Variants in LIN28B observed in about 807,000 individuals in gnomAD.
LIN28B encodes the protein lin-28 RNA binding posttranscriptional regulator B.
Under a neutral mutation model 21.9 loss-of-function variants are expected in LIN28B, and 5 were observed. That is an observed-to-expected ratio of 0.23 (90% CI 0.12 to 0.48). The LOEUF is 0.48. Among genes scored for constraint, LIN28B ranks in the 20% least tolerant of loss-of-function variants. The pLI, the probability that LIN28B is intolerant of heterozygous loss-of-function variation, is 0.98. For missense variants in LIN28B, 245 were observed against 310.5 expected, an observed-to-expected ratio of 0.79 and a Z score of 1.58; for synonymous variants, 109 against 111.3, an observed-to-expected ratio of 0.98 and a Z score of 0.13.
chr6:104,949,894 T>C (rs779583151), intron 2 of LIN28B, among the ~76,000 whole-genome samples: 1 of 152,180 alleles, frequency 6.6e-6, no homozygotes, highest in Non-Finnish European at 1.5e-5. Context: ...TTTAAAAATA[T>C]AAGTTAAAAT....
In LIN28B at chr6:104,966,745, C is replaced by T. The variant is rs1306159388; in HGVS notation, c.198+8459C>T. On this transcript the variant is annotated intron_variant, in intron 2 of 3. Coordinates refer to ENST00000345080, the MANE Select transcript of LIN28B (RefSeq NM_001004317.4). ...CACGCCATTCTCCTGCCTCAGCCTC[C>T]AGAGTAGCTGTGACTACAGGCACTC... Among the ~76,000 whole-genome samples, 3 of 152,000 alleles carry T rather than the reference C, an allele frequency of 2.0e-5. No homozygotes were observed. In the East Asian group the frequency reaches 5.8e-4, roughly 29 times the overall value.
chr6:104,997,551 C>A (rs893891945), intron 2 of LIN28B, among the ~76,000 whole-genome samples: 10 of 151,654 alleles, frequency 6.6e-5, no homozygotes, highest in African/African-American at 2.4e-4. Flanking sequence ...CCGCCCCCCC[C>A]CGCCACACAC....
intron 3 of LIN28B, among the ~76,000 whole-genome samples, chr6:105,037,055 T>C (rs1326529159): frequency 2.0e-5 from 3 of 152,204 alleles, no homozygotes; most frequent in African/African-American, 7.2e-5. Flanking sequence ...TGCTTAAATG[T>C]CTTAAACATA....
At chr6:105,038,423 G>C (rs1240106395) in intron 3 of LIN28B, among the ~76,000 whole-genome samples, 2 of 152,174 alleles carry the variant, frequency 1.3e-5, no homozygotes, top group Non-Finnish European at 2.9e-5. Context: ...GCAGGCTGCT[G>C]TTGGTCAGCA....
In LIN28B at chr6:104,957,138, G is replaced by A. The variant is rs752640382; in HGVS notation, c.-113G>A. The stretch of plus-strand genomic sequence containing the variant: ...AAGGAAAGCACATTAGACCATGCGA[G>A]CTAAATTTGTGATCGCACAAAATCA... On this transcript the variant is annotated 5_prime_UTR_variant, in exon 1 of 4. Transcript: ENST00000345080. The A allele has an allele frequency of 6.0e-5, 96 of 1,610,536 alleles. No homozygotes were observed. The highest frequency in any genetic ancestry group is 7.6e-5 in the Non-Finnish European group (90 of 1,178,360).
intron 3 of LIN28B, among the ~76,000 whole-genome samples, chr6:105,068,578 C>T (rs62419627): frequency 0.075 from 11,469 of 152,164 alleles, 430 homozygotes; most frequent in Middle Eastern, 0.095. Context: ...CTGCTTGTTA[C>T]GCTGAATAGT....
chr6:105,046,808 A>G (rs578130515), intron 3 of LIN28B, among the ~76,000 whole-genome samples: 1 of 152,310 alleles, frequency 6.6e-6, no homozygotes, highest in Non-Finnish European at 1.5e-5. Flanking sequence ...GGCTGCATAA[A>G]TGTCTTCTTT....
intron 3 of LIN28B, among the ~76,000 whole-genome samples, chr6:105,051,919 G>A (rs147646364): frequency 4.6e-5 from 7 of 152,278 alleles, no homozygotes; most frequent in East Asian, 3.9e-4. Context: ...ATAATGTGAC[G>A]TCAGGTAGTG....
At position 104,960,572 on chromosome 6, in the gene LIN28B, G is replaced by GT. The variant is rs1316636320; in HGVS notation, c.198+2294dup. Among the ~76,000 whole-genome samples, 16 of 151,362 alleles carry GT rather than the reference G, an allele frequency of 1.1e-4. No individual in the cohort carries two copies. The East Asian group carries it at 1.4e-3, about 13-fold the overall frequency. On this transcript the variant is annotated intron_variant, in intron 2 of 3. Coordinates refer to ENST00000345080, the MANE Select transcript of LIN28B (RefSeq NM_001004317.4). ...CAAAATTTTTAAAATATATGACATAGTTTTTTTTGAAGTGTTTGGAAGTAC... is the reference window on the plus strand; with the variant it reads ...CAAAATTTTTAAAATATATGACATAGTTTTTTTTTGAAGTGTTTGGAAGTAC...
chr6:105,037,258 T>C (rs2114359247), intron 3 of LIN28B, among the ~76,000 whole-genome samples: 1 of 152,196 alleles, frequency 6.6e-6, no homozygotes, highest in South Asian at 2.1e-4. Context: ...CAAACCCCAG[T>C]AACAATCTAG....
intron 3 of LIN28B, among the ~76,000 whole-genome samples, chr6:105,032,188 G>A (rs1480274953): frequency 6.6e-6 from 1 of 152,098 alleles, no homozygotes; most frequent in African/African-American, 2.4e-5. Context: ...GGGCATTTGA[G>A]TGGTGTCCAG....
chr6:104,970,415 G>A (rs1005301134), intron 2 of LIN28B, among the ~76,000 whole-genome samples: 1 of 152,064 alleles, frequency 6.6e-6, no homozygotes, highest in Non-Finnish European at 1.5e-5. Flanking sequence ...CTTTTAGTTA[G>A]TCACAGATGG....
chr6:105,023,891 CTTAA>C (rs1418544665), intron 2 of LIN28B, among the ~76,000 whole-genome samples: 3 of 150,972 alleles, frequency 2.0e-5, no homozygotes, highest in Non-Finnish European at 4.4e-5. Flanking sequence ...AGTATACCAG[CTTAA>C]TTGAGTTCAC....
At chr6:105,017,587 T>G (rs955981818) in intron 2 of LIN28B, among the ~76,000 whole-genome samples, 3 of 152,174 alleles carry the variant, frequency 2.0e-5, no homozygotes, top group Admixed American at 1.3e-4. Flanking sequence ...CTCTGAGTGT[T>G]TTTTCAGTTT....
chr6:104,989,960 T>A (rs1770429020), intron 2 of LIN28B, among the ~76,000 whole-genome samples: 1 of 152,162 alleles, frequency 6.6e-6, no homozygotes, highest in Non-Finnish European at 1.5e-5. Context: ...TTAAAGCTAT[T>A]CATTTCCATC....
chr6:104,950,956 G>T (rs78206990), intron 3 of LIN28B, among the ~76,000 whole-genome samples: 1,733 of 152,158 alleles, frequency 0.011, 33 homozygotes, highest in African/African-American at 0.04. Flanking sequence ...TATCATAACA[G>T]AAATAGCACA....
chr6:105,047,443 A>G (rs1264059256), intron 3 of LIN28B, among the ~76,000 whole-genome samples: 1 of 152,188 alleles, frequency 6.6e-6, no homozygotes, highest in Non-Finnish European at 1.5e-5. Flanking sequence ...GTTTGAAGTC[A>G]GGCAGCATGA....
intron 3 of LIN28B, among the ~76,000 whole-genome samples, chr6:105,047,042 T>A (rs1182796349): frequency 9.9e-5 from 15 of 152,238 alleles, no homozygotes; most frequent in Non-Finnish European, 2.9e-5. Context: ...TTTGTCAATG[T>A]TGGCTTTCGT....
chr6:104,989,437 A>G (rs1770413608), intron 2 of LIN28B, among the ~76,000 whole-genome samples: 1 of 151,864 alleles, frequency 6.6e-6, no homozygotes, highest in East Asian at 1.9e-4. Context: ...TGACCAGGCT[A>G]GTCTCAATCT....
Sources: gnomAD v4.1 joint callset for allele counts (sites outside exome capture counted in the v4.1 genomes callset) on GRCh38, gnomAD v4.1.1 for gene constraint, MANE v1.5 for transcripts, NCBI Gene and HGNC (gene_info 2026-07-23, HGNC 2026-07-21) for gene names.